The following FANCI variants were observed in gnomAD, a reference collection of about 807,000 sequenced individuals.
FANCI encodes the protein FA complementation group I.
Under a neutral mutation model 176.1 loss-of-function variants are expected in FANCI, and 156 were observed. The ratio of observed to expected loss-of-function variants is 0.89; its 90% CI spans 0.78 to 1.01. FANCI has a LOEUF of 1.01. Ranked by LOEUF, FANCI falls within the 50% of genes least tolerant of loss-of-function variation. The pLI is 0.00. For synonymous variants in FANCI, 613 were observed against 541.7 expected, an observed-to-expected ratio of 1.13 and a Z score of -1.83; for missense variants, 1,678 against 1,534.1, an observed-to-expected ratio of 1.09 and a Z score of -1.57.
intron 10 of FANCI, among the ~76,000 whole-genome samples, chr15:89,271,255 C>A (rs1167488140): frequency 1.3e-5 from 2 of 151,938 alleles, no homozygotes; most frequent in African/African-American, 2.4e-5. Context: ...TCACTATAAT[C>A]CAATTTTAGA....
chr15:89,296,116 C>T (rs890216386), intron 24 of FANCI, among the ~76,000 whole-genome samples: 6 of 152,040 alleles, frequency 3.9e-5, no homozygotes, highest in Admixed American at 3.9e-4. Flanking sequence ...TACAGGGCAC[C>T]ACCATGCCCT....
At chr15:89,253,752 A>G (rs2052369146) in intron 2 of FANCI, among the ~76,000 whole-genome samples, 1 of 145,982 alleles carries the variant, frequency 6.9e-6, no homozygotes, top group Non-Finnish European at 1.5e-5. Flanking sequence ...TATCACAGAA[A>G]AAGGATTAAT....
chr15:89,287,619 G>T (rs1006568509), intron 18 of FANCI, among the ~76,000 whole-genome samples: 23 of 152,296 alleles, frequency 1.5e-4, no homozygotes, highest in African/African-American at 4.8e-4. Flanking sequence ...ACTTGCCTCA[G>T]CTTGTAACAT....
rs1159518286 is a variant in FANCI, at chr15:89,303,848, ATGAT to A, written c.3007-15_3007-12del. The A allele has an allele frequency of 1.2e-6, 2 of 1,611,378 alleles. No homozygotes were observed. Among genetic ancestry groups the A allele is most frequent in the Non-Finnish European group, 1.7e-6 (2 of 1,177,606 alleles). ...TCTGGCATGTTTCTTTAATATCTGA[ATGAT>A]CTCTAATTTAGTTTGTGCAGATGTT... On this transcript the variant is annotated splice_polypyrimidine_tract_variant and intron_variant, in intron 27 of 37. Transcript: ENST00000310775.
At chr15:89,312,786 A>C in intron 34 of FANCI, 118 bp from the exon 35 acceptor site, 1 of 774,848 alleles carries the variant, frequency 1.3e-6, no homozygotes, top group Non-Finnish European at 2.1e-6. Context: ...GCCACTGCAC[A>C]CCAGCCTGGG....
intron 24 of FANCI, among the ~76,000 whole-genome samples, chr15:89,297,385 G>A (rs1398803528): frequency 1.1e-4 from 16 of 151,978 alleles, no homozygotes; most frequent in Non-Finnish European, 2.1e-4. Context: ...CTGCAATCTC[G>A]GCACTTTGGG....
Position 89,263,990 on chromosome 15 carries a change from A to G in FANCI, c.633A>G (p.Pro211=), listed in dbSNP as rs1271628477. 4 of 1,613,930 alleles carry G rather than the reference A, an allele frequency of 2.5e-6. No individual in the cohort carries two copies. The highest frequency in any genetic ancestry group is 1.3e-5 in the African/African-American group (1 of 74,916). ...CCAAGATGAATCTTCAAGAAATACC[A>G]CCTTTGGTCTATCAGCTTCTGGTTC... ...MFSKMNLQEI[P]PLVYQLLVLS... is the part of the protein sequence containing the mutation. Residue 211 remains proline (P), a synonymous_variant, in exon 8 of 38, where the codon CCA becomes CCG. Coordinates refer to ENST00000310775, the MANE Select transcript of FANCI (RefSeq NM_001113378.2).
intron 2 of FANCI, 107 bp downstream of exon 2, chr15:89,247,838 A>G (rs905382266): frequency 5.9e-6 from 5 of 844,018 alleles, no homozygotes; most frequent in African/African-American, 1.7e-5. Flanking sequence ...TCTACTCCCC[A>G]TTCACTGTAG....
chr15:89,308,975 C>G (rs778629442), intron 34 of FANCI, among the ~76,000 whole-genome samples: 2 of 151,770 alleles, frequency 1.3e-5, no homozygotes, highest in African/African-American at 2.4e-5. Flanking sequence ...AATCAGCCAT[C>G]AAGTGGGCTG....
Position 89,276,744 on chromosome 15 carries a change from C to T in FANCI, c.1146C>T (p.Leu382=), listed in dbSNP as rs773475822. The T allele has an allele frequency of 9.3e-6, 15 of 1,613,970 alleles. No individual in the cohort carries two copies. The African/African-American group carries it at 1.1e-4, about 11-fold the overall frequency. ...VHSWDHVTQG[L]VELGFILMDS... ...GCTGGGACCATGTTACTCAGGGCCT[C>T]GTAGAACTTGGTTTCATTTTGATGG... Residue 382 remains leucine (L), a synonymous_variant, in exon 13 of 38, where the codon CTC becomes CTT. Transcript: ENST00000310775.
At chr15:89,258,260 A>G (rs1456720278) in intron 2 of FANCI, among the ~76,000 whole-genome samples, 1 of 152,048 alleles carries the variant, frequency 6.6e-6, no homozygotes, top group Non-Finnish European at 1.5e-5. Flanking sequence ...TTACTACCCT[A>G]GAGGAAATTT....
Position 89,293,083 on chromosome 15 carries a change from C to G in FANCI, c.2291+20C>G, listed in dbSNP as rs755079647. 2 of 1,611,228 alleles carry G rather than the reference C, an allele frequency of 1.2e-6. No homozygotes were observed. The highest frequency in any genetic ancestry group is 1.7e-6 in the Non-Finnish European group (2 of 1,178,676). On this transcript the variant is annotated intron_variant, in intron 22 of 37. Transcript: ENST00000310775. ...TTTCAGGTAAGGTTTTGCTATAACTCCATTTGTAATTTGATGAATTCTCCA... is the reference window on the plus strand; with the variant it reads ...TTTCAGGTAAGGTTTTGCTATAACTGCATTTGTAATTTGATGAATTCTCCA...
In FANCI at chr15:89,293,053, A is replaced by G. The variant is rs1378315432; in HGVS notation, c.2281A>G (p.Ser761Gly). ...EVLIEYNFSI[S>G]SFSKNRFEDI... ...TTTAATAGAATACAATTTCTCCATA[A>G]GTAGTTTCAGGTAAGGTTTTGCTAT... is the stretch of plus-strand genomic sequence containing the variant. Residue 761 changes from serine (S) to glycine (G), a missense_variant, in exon 22 of 38, where the codon AGT becomes GGT. Physicochemically the swap from Ser to Gly is moderately conservative, Grantham distance 56. Transcript: ENST00000310775. The G allele has an allele frequency of 2.5e-6, 4 of 1,613,584 alleles. No homozygotes were observed. The highest frequency in any genetic ancestry group is 3.4e-6 in the Non-Finnish European group (4 of 1,179,920).
intron 36 of FANCI, 116 bp downstream of exon 36, chr15:89,314,823 G>T: frequency 1.7e-5 from 10 of 588,084 alleles, no homozygotes; most frequent in Admixed American, 5.5e-5. Flanking sequence ...TTGTGTGTTT[G>T]CCATCCCCCC....
At chr15:89,252,871 C>T (rs781044055) in intron 2 of FANCI, among the ~76,000 whole-genome samples, 12 of 152,156 alleles carry the variant, frequency 7.9e-5, no homozygotes, top group East Asian at 1.9e-4. Flanking sequence ...CTCAACATCA[C>T]GAAAATGTCA....
At position 89,300,292 on chromosome 15, in the gene FANCI, A is replaced by G; in HGVS notation, c.2804-8A>G. 6.2e-7 allele frequency: 1 copy of G among 1,612,382 alleles called. No individual in the cohort carries two copies. The highest frequency in any genetic ancestry group is 1.7e-5 in the Admixed American group (1 of 60,006). On this transcript the variant is annotated splice_polypyrimidine_tract_variant and splice_region_variant and intron_variant, in intron 25 of 37. Transcript: ENST00000310775. ...CAAAGAAGACAAGAGTTTCTTTTCC[A>G]TTCCTAGATGTCACAGATAAGGAAG...
intron 1 of FANCI, 50 bp downstream of exon 1, chr15:89,244,083 G>C (rs982668504): frequency 1.3e-5 from 2 of 152,636 alleles, no homozygotes; most frequent in African/African-American, 4.8e-5. Context: ...CGGGCTGTGG[G>C]ACTGGGCCCC....
chr15:89,299,017 T>C (rs1236794948), intron 24 of FANCI, among the ~76,000 whole-genome samples: 3 of 151,706 alleles, frequency 2.0e-5, no homozygotes, highest in African/African-American at 7.3e-5. Flanking sequence ...CTAAAAAAAA[T>C]ACAAAAATTA....
Position 89,306,091 on chromosome 15 carries a change from T to C in FANCI, c.3434T>C (p.Phe1145Ser). 6.2e-7 allele frequency: 1 copy of C among 1,614,226 alleles called. No homozygotes were observed. The highest frequency in any genetic ancestry group is 8.5e-7 in the Non-Finnish European group (1 of 1,180,036). ...IMQLGTLLTFFHELVQTALPS... is the reference protein window; with the variant it reads ...IMQLGTLLTFSHELVQTALPS... The stretch of plus-strand genomic sequence containing the variant: ...CAACTGGGAACTCTGCTTACATTTT[T>C]CCACGAGCTGGTGCAGACAGCTCTG... The change falls in exon 32 of 38, where the codon TTC (phenylalanine) becomes TCC (serine). Residue 1145 changes from phenylalanine (F) to serine (S), a missense_variant. Phe to Ser is a radical substitution (Grantham distance 155). Around this residue, in one of 3 missense-constraint regions of FANCI, gnomAD observed 1,204 missense variants for 1,077.4 expected, o/e 1.12. Transcript: ENST00000310775.
Sources: gnomAD v4.1 joint callset for allele counts (sites outside exome capture counted in the v4.1 genomes callset) on GRCh38, gnomAD v4.1.1 for gene constraint, gnomAD v4.1.1 regional missense constraint, MANE v1.5 for transcripts, NCBI Gene and HGNC (gene_info 2026-07-23, HGNC 2026-07-21) for gene names.